REL: variants seen among roughly 807,000 people sequenced by gnomAD.
REL encodes REL proto-oncogene, NF-kB subunit.
REL carries 15 observed loss-of-function variants against 45.9 expected under a neutral mutation model. The ratio of observed to expected loss-of-function variants is 0.33; its 90% CI spans 0.22 to 0.50. The LOEUF (loss-of-function observed/expected upper bound fraction) is 0.50. REL is among the 20% of genes least tolerant of loss of function. The pLI, the probability that REL is intolerant of heterozygous loss-of-function variation, is 0.98. For missense variants in REL, 601 were observed against 715.2 expected, an observed-to-expected ratio of 0.84 and a Z score of 1.82; for synonymous variants, 239 against 242.1, an observed-to-expected ratio of 0.99 and a Z score of 0.12.
chr2:60,882,628 T>C (rs1672973198), intron 1 of REL, among the ~76,000 whole-genome samples: 4 of 151,622 alleles, frequency 2.6e-5, no homozygotes, highest in African/African-American at 9.7e-5. Context: ...TGAGCCGAGA[T>C]CGCGCCCCTG....
chr2:60,907,839 C>T (rs138666963), intron 4 of REL, among the ~76,000 whole-genome samples: 2,216 of 151,716 alleles, frequency 0.015, 24 homozygotes, highest in Non-Finnish European at 0.022. Context: ...TACAGGTGCC[C>T]GCCACCATGC....
chr2:60,881,591 C>G lies in REL; in HGVS notation c.-250C>G, dbSNP rs1308472313. The G allele has an allele frequency of 1.8e-5, 9 of 495,558 alleles. No individual in the cohort carries two copies. The highest frequency in any genetic ancestry group is 3.2e-5 in the Non-Finnish European group (9 of 278,648). 30.7% of individuals were successfully genotyped at this position (495,558 alleles called of 1,614,324 possible). ...GGGCCAGCACTCGGCTCTCCCCGCT[C>G]CGCCCCCTGCCCCTGGCTCCCGTAC... On this transcript the variant is annotated 5_prime_UTR_variant, in exon 1 of 10. Transcript: ENST00000394479.
chr2:60,909,770 G>A (rs1024898355), intron 4 of REL, among the ~76,000 whole-genome samples: 3 of 151,996 alleles, frequency 2.0e-5, no homozygotes, highest in African/African-American at 4.8e-5. Flanking sequence ...GCATGGTGGC[G>A]TGCACCTCTA....
intron 4 of REL, among the ~76,000 whole-genome samples, chr2:60,916,079 C>T (rs1431648130): frequency 6.6e-6 from 1 of 152,194 alleles, no homozygotes; most frequent in African/African-American, 2.4e-5. Context: ...CATTTCCACC[C>T]TGTCACTGTG....
chr2:60,918,634 T>C (rs1206785686), intron 7 of REL, 28 bp downstream of exon 7: 1 of 1,505,900 alleles, frequency 6.6e-7, no homozygotes. Context: ...TAATAATTTA[T>C]ATATTTCTTG....
intron 9 of REL, among the ~76,000 whole-genome samples, chr2:60,921,368 A>AT (rs919986151): frequency 6.6e-6 from 1 of 151,828 alleles, no homozygotes. Flanking sequence ...CCATCCTTCC[A>AT]TTTTCTCCTA....
At chr2:60,898,573 G>A (rs1673418286) in intron 3 of REL, among the ~76,000 whole-genome samples, 1 of 152,152 alleles carries the variant, frequency 6.6e-6, no homozygotes, top group Non-Finnish European at 1.5e-5. Flanking sequence ...TTGTGTATGT[G>A]TGATTATTTA....
intron 2 of REL, among the ~76,000 whole-genome samples, chr2:60,893,639 T>C (rs1423719781): frequency 6.6e-6 from 1 of 152,226 alleles, no homozygotes; most frequent in African/African-American, 2.4e-5. Flanking sequence ...TACTTCTTGG[T>C]TACTTTCAAA....
intron 5 of REL, among the ~76,000 whole-genome samples, chr2:60,917,292 C>G (rs1673995675): frequency 6.6e-6 from 1 of 152,168 alleles, no homozygotes; most frequent in African/African-American, 2.4e-5. Context: ...ATTTTGGCAA[C>G]TTAAAATCAT....
chr2:60,920,607 T>C lies in REL; in HGVS notation c.956T>C (p.Leu319Pro). Residue 319 changes from leucine to proline, a missense_variant, in exon 9 of 10, where the codon CTC becomes CCC. This residue lies in a region of REL where 334 missense variants were observed against 333.1 expected (regional missense o/e 1.00). Transcript: ENST00000394479. ...CCTGAGAGACCAAGACCTGGTCTCC[T>C]CGGTTCAATTGGAGAAGGAAGATAC... is the stretch of plus-strand genomic sequence containing the variant. Reference protein sequence around the residue: ...NFPERPRPGLLGSIGEGRYFK... With the variant: ...NFPERPRPGLPGSIGEGRYFK... The C allele has an allele frequency of 1.2e-6, 2 of 1,605,724 alleles. No homozygotes were observed. Among genetic ancestry groups the C allele is most frequent in the African/African-American group, 2.7e-5 (2 of 74,826 alleles).
intron 4 of REL, 93 bp from the exon 5 acceptor site, chr2:60,916,784 A>G (rs1673973017): frequency 1.4e-6 from 1 of 738,564 alleles, no homozygotes; most frequent in Non-Finnish European, 2.2e-6. Context: ...ATGCTATTCA[A>G]GGTTATTGGC....
rs375133911 is a variant in REL at position 60,930,664 on chromosome 2, TTAA to T, written c.*8133_*8135del. Reference sequence around the variant, plus strand: ...CACAGACAAAACCACTCATGCCCTATTAATAAACAAAATACAGATCAAAGTTTT... The same window carrying T: ...CACAGACAAAACCACTCATGCCCTATTAAACAAAATACAGATCAAAGTTTT... On this transcript the variant is annotated 3_prime_UTR_variant, in exon 10 of 10. Coordinates refer to ENST00000394479, the MANE Select transcript of REL (RefSeq NM_001291746.2). 9 of 140,698 alleles carry T rather than the reference TTAA, an allele frequency of 6.4e-5. No homozygotes were observed. The highest frequency in any genetic ancestry group is 2.2e-4 in the African/African-American group (9 of 40,996). 8.7% of individuals were successfully genotyped at this position (140,698 alleles called of 1,614,324 possible).
chr2:60,896,391 A>G (rs1194076696), intron 3 of REL, among the ~76,000 whole-genome samples: 1 of 152,204 alleles, frequency 6.6e-6, no homozygotes, highest in Non-Finnish European at 1.5e-5. Context: ...TGATGTGTAT[A>G]TGTTAATACT....
At chr2:60,900,262 T>C (rs1673457951) in intron 3 of REL, 1 of 152,246 alleles carries the variant, frequency 6.6e-6, no homozygotes. Flanking sequence ...GGCAACACTT[T>C]TGTGAGCCTA....
Position 60,926,946 on chromosome 2 carries a change from GA to G in REL, c.*4419del, listed in dbSNP as rs200810265. Reference sequence around the variant, plus strand: ...CCTTATTACATAGCTAGCATTCCTTGAAAAAAAACAATTCTCTCAGGCCTCC... The same window carrying G: ...CCTTATTACATAGCTAGCATTCCTTGAAAAAAACAATTCTCTCAGGCCTCC... On this transcript the variant is annotated 3_prime_UTR_variant, in exon 10 of 10. Transcript: ENST00000394479. The G allele has an allele frequency of 1.3e-5, 3 of 224,078 alleles. No homozygotes were observed. The highest frequency in any genetic ancestry group is 6.3e-5 in the East Asian group (1 of 15,766). The allele number at this position is 224,078 out of a possible 1,614,324, so 13.9% of individuals were successfully genotyped here. A position where few individuals can be genotyped will look rare whatever the true frequency, so the allele number is the denominator to read the frequency against.
intron 1 of REL, among the ~76,000 whole-genome samples, chr2:60,885,719 T>C (rs1212672455): frequency 6.6e-6 from 1 of 152,192 alleles, no homozygotes; most frequent in Non-Finnish European, 1.5e-5. Flanking sequence ...AAATATATAT[T>C]GTTAGCTCCA....
At chr2:60,901,150 CTTTTTTT>C (rs10565258) in intron 4 of REL, 67 bp downstream of exon 4, 155 of 915,472 alleles carry the variant, frequency 1.7e-4, no homozygotes, top group Middle Eastern at 9.2e-4. Flanking sequence ...TTTTCTTTCT[CTTTTTTT>C]TTTTTTTTTT....
At chr2:60,890,278 A>T (rs1031975532) in intron 1 of REL, among the ~76,000 whole-genome samples, 1 of 152,362 alleles carries the variant, frequency 6.6e-6, no homozygotes, top group South Asian at 2.1e-4. Context: ...AATTTAGCAC[A>T]TATAATCTGT....
intron 2 of REL, among the ~76,000 whole-genome samples, chr2:60,892,730 A>T (rs1474008187): frequency 6.6e-6 from 1 of 151,920 alleles, no homozygotes; most frequent in Non-Finnish European, 1.5e-5. Flanking sequence ...GCGTCCAGCC[A>T]AGATGTACTA....
Sources: allele counts gnomAD v4.1 joint callset (sites outside exome capture counted in the v4.1 genomes callset), GRCh38; gene constraint gnomAD v4.1.1; regional missense constraint gnomAD v4.1.1; transcripts MANE v1.5; gene names NCBI Gene and HGNC (gene_info 2026-07-23, HGNC 2026-07-21).